WWC2: variants seen among roughly 807,000 people sequenced by gnomAD.
WWC2 encodes protein WWC2.
In WWC2, 101 loss-of-function variants were observed where a neutral mutation model predicts 138.5. That is an observed-to-expected ratio of 0.73 (90% CI 0.62 to 0.86). The LOEUF is 0.86. WWC2 is among the 40% of genes least tolerant of loss of function. The pLI is 0.00. For synonymous variants in WWC2, 558 were observed against 538.4 expected (o/e 1.04, Z -0.50); for missense variants, 1,420 against 1,419.4 (o/e 1.00, Z -0.01).
rs1687346624 is a variant in WWC2, at chr4:183,271,238, C to T, written c.2559C>T (p.Asp853=). Residue 853 remains aspartate, a synonymous_variant, in exon 16 of 23, where the codon GAC becomes GAT. Coordinates refer to ENST00000403733, the MANE Select transcript of WWC2 (RefSeq NM_024949.6). ...ACCAGCCGTTAGTAGATTCTATAGACTTGGTGAGTCAAAATTAGAGTATAA... is the reference window on the plus strand; with the variant it reads ...ACCAGCCGTTAGTAGATTCTATAGATTTGGTGAGTCAAAATTAGAGTATAA... ...QPNQPLVDSI[D]LDAVSALLAR... is the part of the protein sequence containing the mutation. 1.9e-6 allele frequency: 3 copies of T among 1,601,674 alleles called. No individual in the cohort carries two copies. The highest frequency in any genetic ancestry group is 2.6e-6 in the Non-Finnish European group (3 of 1,175,404).
chr4:183,278,454 G>A (rs370751073), intron 16 of WWC2, among the ~76,000 whole-genome samples: 1,523 of 151,988 alleles, frequency 0.01, 20 homozygotes, highest in African/African-American at 0.035. Flanking sequence ...TTGACTTGGC[G>A]ATGCAGGCTC....
chr4:183,311,548 GTTT>G (rs1739241782), intron 21 of WWC2, among the ~76,000 whole-genome samples: 1 of 148,972 alleles, frequency 6.7e-6, no homozygotes, highest in African/African-American at 2.5e-5. Context: ...ATTTGTAAAA[GTTT>G]TTTGAGCTAT....
intron 3 of WWC2, among the ~76,000 whole-genome samples, chr4:183,208,362 C>T (rs1735503449): frequency 6.6e-6 from 1 of 152,224 alleles, no homozygotes; most frequent in Non-Finnish European, 1.5e-5. Flanking sequence ...GGGGGTTATG[C>T]ATGCCTTCTG....
At chr4:183,270,216 C>A (rs1451666042) in intron 15 of WWC2, among the ~76,000 whole-genome samples, 1 of 152,094 alleles carries the variant, frequency 6.6e-6, no homozygotes, top group African/African-American at 2.4e-5. Flanking sequence ...GTCAGAGGCT[C>A]CCACAAAGTT....
intron 5 of WWC2, among the ~76,000 whole-genome samples, chr4:183,242,466 A>G (rs1253296116): frequency 6.6e-6 from 1 of 152,206 alleles, no homozygotes; most frequent in African/African-American, 2.4e-5. Context: ...ATTGTTCTCT[A>G]CGTTATTCAT....
rs563252102 is a variant in WWC2, at chr4:183,160,319, G to A, written c.132-33280G>A. ...TTGTAAGAATGAATAGTTGAAAGAC[G>A]AATTAGCCAACAAAGATAAAAGTGC... On this transcript the variant is annotated intron_variant, in intron 1 of 22. Coordinates refer to ENST00000403733, the MANE Select transcript of WWC2 (RefSeq NM_024949.6). Among the ~76,000 whole-genome samples the A allele has an allele frequency of 1.6e-4, 24 of 152,214 alleles. No homozygotes were observed. In the South Asian group the frequency reaches 3.9e-3, roughly 25 times the overall value.
At chr4:183,100,916 C>T (rs991576905) in intron 1 of WWC2, among the ~76,000 whole-genome samples, 10 of 152,242 alleles carry the variant, frequency 6.6e-5, no homozygotes, top group African/African-American at 1.9e-4. Context: ...AAAATTGTGA[C>T]AGGCATCACA....
intron 2 of WWC2, among the ~76,000 whole-genome samples, chr4:183,199,929 T>G (rs984214155): frequency 2.6e-5 from 4 of 152,214 alleles, no homozygotes; most frequent in African/African-American, 9.6e-5. Context: ...AATACCACAT[T>G]TGTGTAATAT....
At chr4:183,275,023 G>T (rs1365600056) in intron 16 of WWC2, among the ~76,000 whole-genome samples, 1 of 152,048 alleles carries the variant, frequency 6.6e-6, no homozygotes, top group Admixed American at 6.5e-5. Flanking sequence ...AACTTATTCT[G>T]CTTCTCTAAC....
At chr4:183,296,933 CAAAAAAAAAAAAAAAAA>C (rs776211338) in intron 21 of WWC2, among the ~76,000 whole-genome samples, 5 of 70,766 alleles carry the variant, frequency 7.1e-5, no homozygotes, top group South Asian at 6.5e-4. Flanking sequence ...GACTCCGTCT[CAAAAAAAAAAAAAAAAA>C]AAAAAAAAAA....
chr4:183,263,325 C>G (rs569888930), intron 11 of WWC2, among the ~76,000 whole-genome samples: 124 of 152,198 alleles, frequency 8.1e-4, no homozygotes, highest in African/African-American at 2.8e-3. Flanking sequence ...AAAAAGTTGC[C>G]TAAAGTCTGT....
intron 21 of WWC2, among the ~76,000 whole-genome samples, chr4:183,299,428 CA>C: frequency 6.6e-6 from 1 of 152,262 alleles, no homozygotes; most frequent in East Asian, 1.9e-4. Context: ...AAACAAGGTG[CA>C]TTTATCCTGC....
intron 1 of WWC2, among the ~76,000 whole-genome samples, chr4:183,156,988 A>C (rs1342255095): frequency 6.6e-6 from 1 of 152,094 alleles, no homozygotes; most frequent in East Asian, 1.9e-4. Flanking sequence ...CAGATATGAT[A>C]CCCTTTACCC....
At chr4:183,154,942 A>G (rs1428794641) in intron 1 of WWC2, among the ~76,000 whole-genome samples, 3 of 152,236 alleles carry the variant, frequency 2.0e-5, no homozygotes, top group Non-Finnish European at 4.4e-5. Context: ...TTCTTTAAGC[A>G]CTAAATTCCT....
chr4:183,160,838 G>T (rs1191677231), intron 1 of WWC2, among the ~76,000 whole-genome samples: 1 of 152,084 alleles, frequency 6.6e-6, no homozygotes, highest in Non-Finnish European at 1.5e-5. Flanking sequence ...ATTTAAGGTG[G>T]GTGATGATAA....
rs753863192 is a variant in WWC2 at position 183,207,996 on chromosome 4, A to T, written c.285A>T (p.Glu95Asp). ...IEDPRKQWRG[E>D]QEKMLKDYLS... ...ATCCAAGAAAACAATGGAGGGGGGAACAGGAGAAGATGCTCAAGGACTACC... is the reference window on the plus strand; with the variant it reads ...ATCCAAGAAAACAATGGAGGGGGGATCAGGAGAAGATGCTCAAGGACTACC... Residue 95 changes from glutamate (E) to aspartate (D), a missense_variant, in exon 3 of 23, where the codon GAA becomes GAT. By Grantham distance (45) the Glu-to-Asp change is conservative. Transcript: ENST00000403733. The T allele has an allele frequency of 1.2e-6, 2 of 1,613,508 alleles. No homozygotes were observed. The highest frequency in any genetic ancestry group is 2.2e-5 in the South Asian group (2 of 90,976).
At chr4:183,263,031 A>G (rs1737381002) in intron 11 of WWC2, among the ~76,000 whole-genome samples, 1 of 152,208 alleles carries the variant, frequency 6.6e-6, no homozygotes, top group African/African-American at 2.4e-5. Context: ...CATGGTAATT[A>G]TTAGTACTCT....
chr4:183,320,017 C>CA lies in WWC2; in HGVS notation c.*4291dup, dbSNP rs1560905184. 6.2e-7 allele frequency: 1 copy of CA among 1,613,942 alleles called. No individual in the cohort carries two copies. The highest frequency in any genetic ancestry group is 1.7e-5 in the Admixed American group (1 of 60,022). On this transcript the variant is annotated 3_prime_UTR_variant, in exon 23 of 23. Transcript: ENST00000403733. ...TCAGCAGGCAAAGCCAGGAAGGAGTCAAAGTCCTTGCATTGCATCCCCACT... is the reference window on the plus strand; with the variant it reads ...TCAGCAGGCAAAGCCAGGAAGGAGTCAAAAGTCCTTGCATTGCATCCCCACT...
At chr4:183,273,628 T>C (rs1042435966) in intron 16 of WWC2, among the ~76,000 whole-genome samples, 4 of 152,340 alleles carry the variant, frequency 2.6e-5, no homozygotes, top group East Asian at 3.9e-4. Context: ...TATTGACTTA[T>C]AAGAGTTCCT....
Sources: allele counts gnomAD v4.1 joint callset (sites outside exome capture counted in the v4.1 genomes callset), GRCh38; gene constraint gnomAD v4.1.1; transcripts MANE v1.5; gene names NCBI Gene and HGNC (gene_info 2026-07-23, HGNC 2026-07-21).